Variants in ARHGAP25 observed in about 807,000 individuals in gnomAD.
ARHGAP25 encodes rho GTPase-activating protein 25.
ARHGAP25 carries 34 observed loss-of-function variants against 71.0 expected under a neutral mutation model. The ratio of observed to expected loss-of-function variants is 0.48; its 90% confidence interval spans 0.36 to 0.64. ARHGAP25 has a LOEUF of 0.64. Ranked by LOEUF, ARHGAP25 falls within the 30% of genes least tolerant of loss-of-function variation. ARHGAP25 has a pLI of 0.00. For synonymous variants in ARHGAP25, 282 were observed against 296.5 expected (o/e 0.95, Z 0.50); for missense variants, 706 against 805.1 (o/e 0.88, Z 1.49).
chr2:68,806,459 A>T (rs1478498607), intron 4 of ARHGAP25, among the ~76,000 whole-genome samples: 3 of 152,228 alleles, frequency 2.0e-5, no homozygotes, highest in Non-Finnish European at 4.4e-5. Context: ...ACCGCAGTGG[A>T]TGCCTGAGAT....
At chr2:68,762,676 C>T (rs1220689740) in intron 1 of ARHGAP25, among the ~76,000 whole-genome samples, 1 of 152,064 alleles carries the variant, frequency 6.6e-6, no homozygotes, top group Non-Finnish European at 1.5e-5. Flanking sequence ...CCTTCAGTGA[C>T]TACTGGCTAA....
chr2:68,726,714 T>G (rs1247068692), intron 2 of ARHGAP25, among the ~76,000 whole-genome samples: 2 of 152,092 alleles, frequency 1.3e-5, no homozygotes, highest in Non-Finnish European at 2.9e-5. Flanking sequence ...TTGGCAAAGG[T>G]GACATCAGTA....
At chr2:68,725,137 C>G (rs149562816) in intron 2 of ARHGAP25, among the ~76,000 whole-genome samples, 22 of 152,210 alleles carry the variant, frequency 1.4e-4, no homozygotes, top group Non-Finnish European at 2.6e-4. Flanking sequence ...GAGGCTGGTG[C>G]CTTGCTCCCT....
At chr2:68,745,759 C>T (rs1206178630) in intron 1 of ARHGAP25, among the ~76,000 whole-genome samples, 1 of 152,218 alleles carries the variant, frequency 6.6e-6, no homozygotes, top group Non-Finnish European at 1.5e-5. Context: ...TTATACAGAA[C>T]AGACATTTAT....
At chr2:68,732,208 T>C (rs746471515), upstream of ARHGAP25, among the ~76,000 whole-genome samples, 5 of 152,088 alleles carry the variant, frequency 3.3e-5, no homozygotes, top group African/African-American at 9.7e-5. Context: ...TGGGCCCTTG[T>C]GGGGAGTGTG....
intron 1 of ARHGAP25, among the ~76,000 whole-genome samples, chr2:68,740,783 A>G (rs764355204): frequency 4.6e-5 from 7 of 152,204 alleles, no homozygotes; most frequent in Non-Finnish European, 7.3e-5. Flanking sequence ...GAACAAAATG[A>G]GTTGTTCTTA....
rs796100406 is a variant in ARHGAP25 at position 68,815,443 on chromosome 2, CTTTTTTTTT to C, written c.808-829_808-821del. ...CACCGGCATGTGAATTGTGTACTCT[CTTTTTTTTT>C]TTTTTTTTTTTTTTTTGAGATGGAG... is the stretch of plus-strand genomic sequence containing the variant. On this transcript the variant is annotated intron_variant, in intron 6 of 10. Transcript: ENST00000409202. Among the ~76,000 whole-genome samples the C allele has an allele frequency of 5.9e-4, 37 of 62,334 alleles. No individual in the cohort carries two copies. In the East Asian group the frequency reaches 0.012, roughly 20 times the overall value. 40.9% of individuals were successfully genotyped at this position (62,334 alleles called of 152,430 possible). A position where few individuals can be genotyped will look rare whatever the true frequency, so the allele number is the denominator to read the frequency against.
intron 3 of ARHGAP25, among the ~76,000 whole-genome samples, chr2:68,786,283 G>T (rs1365275570): frequency 1.3e-5 from 2 of 152,174 alleles, no homozygotes; most frequent in Non-Finnish European, 2.9e-5. Context: ...TGGAGTTGAG[G>T]CATGGTGGAG....
chr2:68,732,137 G>C (rs1003763678), upstream of ARHGAP25, among the ~76,000 whole-genome samples: 1 of 152,186 alleles, frequency 6.6e-6, no homozygotes, highest in African/African-American at 2.4e-5. Context: ...CAGAGAGAGG[G>C]AGCGCAGTAC....
chr2:68,794,771 G>A (rs562698289), intron 4 of ARHGAP25, among the ~76,000 whole-genome samples: 14 of 152,180 alleles, frequency 9.2e-5, no homozygotes, highest in African/African-American at 2.6e-4. Context: ...TTGGTATCAC[G>A]GTGATACTGA....
At position 68,824,749 on chromosome 2, in the gene ARHGAP25, A is replaced by C. The variant is rs368485760; in HGVS notation, c.1734-1238A>C. On this transcript the variant is annotated intron_variant, in intron 10 of 10. Transcript: ENST00000409202. ...AGAGCGAGACTCCGTCTCAAAAAAA[A>C]CAAAAGGAAAAAAAAAAGATGGAAT... Among the ~76,000 whole-genome samples, 435 of 152,204 alleles carry C rather than the reference A, an allele frequency of 2.9e-3. 2 individuals are homozygous for C. Among genetic ancestry groups the C allele is most frequent in the African/African-American group, 0.01 (419 of 41,522 alleles).
At chr2:68,802,750 T>A (rs1680087961) in intron 4 of ARHGAP25, among the ~76,000 whole-genome samples, 1 of 151,516 alleles carries the variant, frequency 6.6e-6, no homozygotes, top group Non-Finnish European at 1.5e-5. Context: ...GAAATAGATA[T>A]GATATAACTA....
rs527874822 is a variant in ARHGAP25, at chr2:68,776,760, G to A, written c.261+1340G>A. 1.8e-3 allele frequency among the ~76,000 whole-genome samples: 273 copies of A among 152,290 alleles called. 1 individual carries two copies. The South Asian group carries it at 0.029, about 16-fold the overall frequency. On this transcript the variant is annotated intron_variant, in intron 2 of 10. Transcript: ENST00000409202. ...CATGTGTGTGGAGATGGAAGTATGG[G>A]CTTGGCCAGAAGGAGCTTATTTGGG...
In ARHGAP25 at chr2:68,735,163, A is replaced by G. The variant is rs1675138578; in HGVS notation, c.-37A>G. 8 of 1,569,698 alleles carry G rather than the reference A, an allele frequency of 5.1e-6. No homozygotes were observed. The highest frequency in any genetic ancestry group is 7.0e-6 in the Non-Finnish European group (8 of 1,139,612). ...GAAGGGCGCAAACTGTGACAGACTC[A>G]CCGCTTCACTAACTACTCACTTAAA... On this transcript the variant is annotated 5_prime_UTR_variant, in exon 1 of 11. Transcript: ENST00000409202.
intron 1 of ARHGAP25, among the ~76,000 whole-genome samples, chr2:68,757,221 G>A (rs1240066350): frequency 6.6e-6 from 1 of 151,976 alleles, no homozygotes; most frequent in Non-Finnish European, 1.5e-5. Context: ...AGTCCTAAAA[G>A]GAAAAGAGAG....
At chr2:68,734,406 C>G (rs1404859397), upstream of ARHGAP25, among the ~76,000 whole-genome samples, 3 of 152,122 alleles carry the variant, frequency 2.0e-5, no homozygotes, top group African/African-American at 7.2e-5. Flanking sequence ...ACATCAAAAC[C>G]CTCCCTACAT....
chr2:68,761,679 C>A (rs889693018), intron 1 of ARHGAP25, among the ~76,000 whole-genome samples: 4 of 152,002 alleles, frequency 2.6e-5, no homozygotes, highest in African/African-American at 9.7e-5. Context: ...CGAACTACAG[C>A]GAGATAGCAA....
chr2:68,787,782 C>A, intron 3 of ARHGAP25, 58 bp from the exon 4 acceptor site: 1 of 1,419,280 alleles, frequency 7.0e-7, no homozygotes, highest in Non-Finnish European at 1.0e-6. Flanking sequence ...CTTCTCTTCC[C>A]CTTGCTCTCA....
intron 5 of ARHGAP25, among the ~76,000 whole-genome samples, chr2:68,811,847 A>G (rs1029336904): frequency 3.9e-5 from 6 of 152,074 alleles, no homozygotes; most frequent in Admixed American, 6.5e-5. Flanking sequence ...AGCCTATTCT[A>G]TATTTCTCAT....
Sources: allele counts gnomAD v4.1 joint callset (sites outside exome capture counted in the v4.1 genomes callset), GRCh38; gene constraint gnomAD v4.1.1; transcripts MANE v1.5; gene names NCBI Gene and HGNC (gene_info 2026-07-23, HGNC 2026-07-21).